Variants in SLC16A1 observed in about 807,000 individuals in gnomAD.
The protein encoded by SLC16A1 is monocarboxylate transporter 1.
A neutral mutation model predicts 32.2 loss-of-function variants in SLC16A1; 11 were observed. The ratio of observed to expected loss-of-function variants is 0.34; its 90% confidence interval spans 0.21 to 0.56. The LOEUF (loss-of-function observed/expected upper bound fraction) is 0.56. SLC16A1 is among the 20% of genes least tolerant of loss of function. The probability of loss-of-function intolerance (pLI) is 0.87; values close to 1 mark genes in which losing one functional copy is unlikely to be tolerated. For synonymous variants in SLC16A1, 231 were observed against 226.8 expected (o/e 1.02, Z -0.17); for missense variants, 435 against 615.0 (o/e 0.71, Z 3.10).
At chr1:112,927,557 G>C (rs1181588457) in intron 2 of SLC16A1, among the ~76,000 whole-genome samples, 2 of 152,138 alleles carry the variant, frequency 1.3e-5, no homozygotes, top group African/African-American at 4.8e-5. Context: ...AACCCATTTA[G>C]TAAAAATTCT....
chr1:112,932,711 T>C (rs965858600), intron 1 of SLC16A1, among the ~76,000 whole-genome samples: 4 of 147,290 alleles, frequency 2.7e-5, no homozygotes, highest in Admixed American at 1.4e-4. Flanking sequence ...GGAGAATCGC[T>C]TGAACCCAGG....
chr1:112,951,876 CCT>C (rs1391206479), intron 1 of SLC16A1, among the ~76,000 whole-genome samples: 1 of 152,066 alleles, frequency 6.6e-6, no homozygotes, highest in Non-Finnish European at 1.5e-5. Flanking sequence ...TCAAACTGTA[CCT>C]CTCTTTATAG....
rs772798058 is a variant in SLC16A1 at position 112,917,394 on chromosome 1, C to T, written c.1012G>A (p.Val338Ile). 11 of 1,614,192 alleles carry T rather than the reference C, an allele frequency of 6.8e-6. No homozygotes were observed. The highest frequency in any genetic ancestry group is 1.1e-5 in the South Asian group (1 of 91,080). Residue 338 changes from valine (V) to isoleucine (I), a missense_variant, in exon 4 of 5, where the codon GTT (valine) becomes ATT (isoleucine). This residue lies in a region of SLC16A1 where 324 missense variants were observed against 500.3 expected (regional missense o/e 0.65). Transcript: ENST00000369626. The surrounding 1 kb of genome is among the most constrained non-coding windows in gnomAD (Gnocchi z 4.1). ...RIQYFFAASV[V>I]ANGVCHMLAP... ...AGCATATGACACACTCCATTTGCAA[C>T]AACGGAAGCCGCAAAGAAATACTGA...
At position 112,937,797 on chromosome 1, in the gene SLC16A1, C is replaced by T. The variant is rs769381397; in HGVS notation, c.-44-8445G>A. 2.0e-5 allele frequency among the ~76,000 whole-genome samples: 3 copies of T among 152,020 alleles called. No individual in the cohort carries two copies. In the South Asian group the frequency reaches 6.2e-4, roughly 32 times the overall value. On this transcript the variant is annotated intron_variant, in intron 1 of 4. Transcript: ENST00000369626. ...TCCTATCAGCTTAGCTATTACTGCC[C>T]AAGAGTGATGGGGAGACTAAAAAAC... is the stretch of plus-strand genomic sequence containing the variant.
intron 1 of SLC16A1, among the ~76,000 whole-genome samples, chr1:112,946,649 G>A (rs1269586218): frequency 3.3e-5 from 5 of 152,154 alleles, no homozygotes; most frequent in African/African-American, 4.8e-5. Context: ...CGCCCCTCGG[G>A]CTCAAGCAAT....
chr1:112,950,488 C>A (rs1649854730), intron 1 of SLC16A1, among the ~76,000 whole-genome samples: 1 of 152,120 alleles, frequency 6.6e-6, no homozygotes, highest in Non-Finnish European at 1.5e-5. Flanking sequence ...GGAAATTCTC[C>A]TATACTAAGG....
rs762638381 is a variant in SLC16A1, at chr1:112,917,089, T to A, written c.1228+89A>T. The A allele has an allele frequency of 6.6e-6, 10 of 1,519,310 alleles. No homozygotes were observed. Among genetic ancestry groups the A allele is most frequent in the Non-Finnish European group, 8.2e-6 (9 of 1,100,362 alleles). The allele number at this position is 1,519,310 out of a possible 1,614,324, so 94.1% of individuals were successfully genotyped here. A position where few individuals can be genotyped will look rare whatever the true frequency, so the allele number is the denominator to read the frequency against. ...TGAGAAAGATTTATTCTTACCCAAA[T>A]AGCTCACTAATGTTTGCTTTCTGTC... On this transcript the variant is annotated intron_variant, in intron 4 of 4. Coordinates refer to ENST00000369626, the MANE Select transcript of SLC16A1 (RefSeq NM_003051.4). This position sits in a 1 kb window ranked among gnomAD's most constrained non-coding sequence, Gnocchi z 4.1.
chr1:112,943,906 T>C (rs1242791457), intron 1 of SLC16A1, among the ~76,000 whole-genome samples: 2 of 151,968 alleles, frequency 1.3e-5, no homozygotes, highest in Non-Finnish European at 2.9e-5. Context: ...TGGCCATTCA[T>C]TCAACAAATC....
intron 2 of SLC16A1, chr1:112,923,965 C>T (rs1648835261): frequency 6.7e-7 from 1 of 1,485,822 alleles, no homozygotes; most frequent in African/African-American, 1.4e-5. Flanking sequence ...GACCTGCTGA[C>T]TGGCAAGTAC....
chr1:112,938,606 C>T (rs944890104), intron 1 of SLC16A1, among the ~76,000 whole-genome samples: 2 of 152,226 alleles, frequency 1.3e-5, no homozygotes, highest in African/African-American at 4.8e-5. Context: ...ACTTCCAACT[C>T]TCTTTACCTA....
Position 112,946,551 on chromosome 1 carries a change from TTTTG to T in SLC16A1, c.-45+9480_-45+9483del, listed in dbSNP as rs1159986116. On this transcript the variant is annotated intron_variant, in intron 1 of 4. Transcript: ENST00000369626. ...GCAGAAAAGTTTTTGTTTTGTTCTG[TTTTG>T]TTTGTTTGTTTTTCTTGAGAGGGAG... Among the ~76,000 whole-genome samples, 8 of 152,052 alleles carry T rather than the reference TTTTG, an allele frequency of 5.3e-5. 1 individual carries two copies. Among genetic ancestry groups the T allele is most frequent in the South Asian group, 2.1e-4 (1 of 4,820 alleles).
Position 112,917,007 on chromosome 1 carries a change from C to T in SLC16A1, c.1228+171G>A. ...CTTGATGGTTCCATTTAATTAGATT[C>T]TATATTTGAGCAATTATGCTGTGCC... On this transcript the variant is annotated intron_variant, in intron 4 of 4. Coordinates refer to ENST00000369626, the MANE Select transcript of SLC16A1 (RefSeq NM_003051.4). This position sits in a 1 kb window ranked among gnomAD's most constrained non-coding sequence, Gnocchi z 4.1. 1 of 820,444 alleles carries T rather than the reference C, an allele frequency of 1.2e-6. No individual in the cohort carries two copies. The allele number at this position is 820,444 out of a possible 1,614,324, so 50.8% of individuals were successfully genotyped here. A position where few individuals can be genotyped will look rare whatever the true frequency, so the allele number is the denominator to read the frequency against.
intron 2 of SLC16A1, 192 bp downstream of exon 2, chr1:112,928,900 C>A: frequency 1.7e-6 from 1 of 596,256 alleles, no homozygotes; most frequent in Non-Finnish European, 3.0e-6. Flanking sequence ...TTTTGAAATA[C>A]TACAGTATAC....
At chr1:112,924,578 C>T (rs988154052) in intron 2 of SLC16A1, among the ~76,000 whole-genome samples, 1 of 151,704 alleles carries the variant, frequency 6.6e-6, no homozygotes, top group South Asian at 2.1e-4. Flanking sequence ...AGAAAACAAA[C>T]AAACAAAAAC....
rs562663172 is a variant in SLC16A1, at chr1:112,917,327, G to A, written c.1079C>T (p.Ala360Val). Reference sequence around the variant, plus strand: ...CCCGAAGGCAAATCCAAAGAATCCCGCATAGACACAGAATCCAACATAGGT... The same window carrying A: ...CCCGAAGGCAAATCCAAAGAATCCCACATAGACACAGAATCCAACATAGGT... Reference protein sequence around the residue: ...STTYVGFCVYAGFFGFAFGWL... With the variant: ...STTYVGFCVYVGFFGFAFGWL... The change falls in exon 4 of 5, where the codon GCG becomes GTG. Residue 360 changes from alanine (A) to valine (V), a missense_variant. Ala to Val is a moderately conservative substitution (Grantham distance 64). Coordinates refer to ENST00000369626, the MANE Select transcript of SLC16A1 (RefSeq NM_003051.4). The surrounding 1 kb of genome is among the most constrained non-coding windows in gnomAD (Gnocchi z 4.1). The A allele has an allele frequency of 4.3e-6, 7 of 1,614,106 alleles. No homozygotes were observed. Among genetic ancestry groups the A allele is most frequent in the East Asian group, 4.5e-5 (2 of 44,880 alleles).
At chr1:112,918,629 G>C (rs1648603592) in intron 3 of SLC16A1, among the ~76,000 whole-genome samples, 1 of 152,128 alleles carries the variant, frequency 6.6e-6, no homozygotes, top group Non-Finnish European at 1.5e-5. Context: ...AGCAAGACCT[G>C]TCTCTACAAA....
At chr1:112,942,139 T>C (rs1033458285) in intron 1 of SLC16A1, among the ~76,000 whole-genome samples, 6 of 152,090 alleles carry the variant, frequency 3.9e-5, no homozygotes, top group African/African-American at 1.4e-4. Context: ...GCCCAGCTAA[T>C]TTTTGTATTT....
chr1:112,930,836 A>C (rs781309905), intron 1 of SLC16A1, among the ~76,000 whole-genome samples: 2 of 150,342 alleles, frequency 1.3e-5, no homozygotes, highest in Non-Finnish European at 2.9e-5. Flanking sequence ...CTCCTGCCTC[A>C]GCCTCCCGAG....
intron 1 of SLC16A1, chr1:112,936,032 G>T (rs1345384893): frequency 1.3e-5 from 2 of 152,056 alleles, no homozygotes; most frequent in Admixed American, 1.3e-4. Flanking sequence ...TAAAGATTAA[G>T]GTGATGTAAC....
Sources: allele counts gnomAD v4.1 joint callset (sites outside exome capture counted in the v4.1 genomes callset), GRCh38; gene constraint gnomAD v4.1.1; regional missense constraint gnomAD v4.1.1; non-coding constraint Gnocchi (gnomAD v3.1); transcripts MANE v1.5; gene names NCBI Gene and HGNC (gene_info 2026-07-23, HGNC 2026-07-21).